The following RNF145 variants were observed in gnomAD, a reference collection of about 807,000 sequenced individuals.
RNF145 encodes ring finger protein 145.
A neutral mutation model predicts 57.3 loss-of-function variants in RNF145; 12 were observed. The observed-to-expected ratio is 0.21, with a 90% CI of 0.13 to 0.34. The LOEUF is 0.34. RNF145 is among the 10% of genes least tolerant of loss of function. RNF145 has a pLI of 1.00. For synonymous variants in RNF145, 262 were observed against 288.3 expected (o/e 0.91, Z 0.92); for missense variants, 429 against 799.0 (o/e 0.54, Z 5.58).
intron 2 of RNF145, among the ~76,000 whole-genome samples, chr5:159,196,879 A>G (rs1428865698): frequency 6.6e-6 from 1 of 152,196 alleles, no homozygotes; most frequent in Non-Finnish European, 1.5e-5. Flanking sequence ...TCCTTTCCAG[A>G]ACGGTCTTGT....
intron 8 of RNF145, among the ~76,000 whole-genome samples, chr5:159,163,338 A>G (rs1233966021): frequency 6.6e-6 from 1 of 152,228 alleles, no homozygotes; most frequent in African/African-American, 2.4e-5. Context: ...TGCTACTCCT[A>G]GCAATTTCAA....
At chr5:159,208,236 G>C in intron 1 of RNF145, 2 of 1,067,178 alleles carry the variant, frequency 1.9e-6, no homozygotes, top group Non-Finnish European at 2.5e-6. Context: ...GGCCGCCGCC[G>C]CCGCGGGGCT....
intron 3 of RNF145, among the ~76,000 whole-genome samples, chr5:159,193,392 G>T (rs1785352185): frequency 6.6e-6 from 1 of 152,120 alleles, no homozygotes; most frequent in Non-Finnish European, 1.5e-5. Context: ...AACCAGGAAG[G>T]AATAAAGGAG....
intron 8 of RNF145, among the ~76,000 whole-genome samples, chr5:159,167,493 A>G (rs1317440218): frequency 2.0e-5 from 3 of 152,220 alleles, no homozygotes; most frequent in Admixed American, 1.3e-4. Flanking sequence ...GTGGAACAAC[A>G]TATTTTTTCT....
Position 159,187,131 on chromosome 5 carries a change from A to G in RNF145, c.294-5080T>C, listed in dbSNP as rs549820577. Among the ~76,000 whole-genome samples, 12 of 144,758 alleles carry G rather than the reference A, an allele frequency of 8.3e-5. No individual in the cohort carries two copies. The South Asian group carries it at 2.2e-3, about 26-fold the overall frequency. The allele number at this position is 144,758 out of a possible 152,430, so 95.0% of individuals were successfully genotyped here. A position where few individuals can be genotyped will look rare whatever the true frequency, so the allele number is the denominator to read the frequency against. On this transcript the variant is annotated intron_variant, in intron 3 of 10. Coordinates refer to ENST00000424310, the MANE Select transcript of RNF145 (RefSeq NM_001199383.2). ...GCCTGTCTATACTAAAAATACAAAA[A>G]ATTAGCCAGGCGTGGTGGTGGGCAC...
intron 8 of RNF145, among the ~76,000 whole-genome samples, chr5:159,166,034 C>T (rs1397474804): frequency 6.6e-6 from 1 of 152,230 alleles, no homozygotes; most frequent in African/African-American, 2.4e-5. Flanking sequence ...ACTTTACACT[C>T]TCATCAGTAC....
In RNF145 at chr5:159,209,444, C is replaced by A; in HGVS notation, c.-253G>T. Reference sequence around the variant, plus strand: ...GCGGCAGCGGCCCGGCCCGTACGGTCACCATCGTCCGCGGCAGCAGGCGCT... The same window carrying A: ...GCGGCAGCGGCCCGGCCCGTACGGTAACCATCGTCCGCGGCAGCAGGCGCT... On this transcript the variant is annotated 5_prime_UTR_variant, in exon 1 of 11. Coordinates refer to ENST00000424310, the MANE Select transcript of RNF145 (RefSeq NM_001199383.2). 2 of 983,070 alleles carry A rather than the reference C, an allele frequency of 2.0e-6. No individual in the cohort carries two copies. Among genetic ancestry groups the A allele is most frequent in the South Asian group, 9.1e-5 (2 of 21,986 alleles). The allele number at this position is 983,070 out of a possible 1,614,324, so 60.9% of individuals were successfully genotyped here.
upstream of RNF145, chr5:159,209,563 G>C (rs1412154040): frequency 9.0e-6 from 9 of 996,932 alleles, no homozygotes; most frequent in African/African-American, 1.8e-5. Context: ...CGGCGGCCGC[G>C]GCCCGACTTC....
At chr5:159,192,697 C>T (rs1785328057) in intron 3 of RNF145, among the ~76,000 whole-genome samples, 1 of 152,064 alleles carries the variant, frequency 6.6e-6, no homozygotes, top group Non-Finnish European at 1.5e-5. Context: ...TACAACAGCC[C>T]CTTAAGATAT....
intron 4 of RNF145, among the ~76,000 whole-genome samples, chr5:159,179,059 T>C (rs1358487399): frequency 1.3e-5 from 2 of 152,122 alleles, no homozygotes; most frequent in African/African-American, 2.4e-5. Context: ...ACTGTGTTTA[T>C]AGCTATGAAA....
intron 6 of RNF145, among the ~76,000 whole-genome samples, chr5:159,172,117 C>T (rs893472406): frequency 1.3e-5 from 2 of 152,188 alleles, no homozygotes; most frequent in African/African-American, 4.8e-5. Flanking sequence ...ACCACCAATT[C>T]AGTCTCACGC....
intron 3 of RNF145, among the ~76,000 whole-genome samples, chr5:159,183,920 AAC>A (rs1156236229): frequency 6.6e-6 from 1 of 152,208 alleles, no homozygotes; most frequent in Non-Finnish European, 1.5e-5. Flanking sequence ...ACAGCTGCAC[AAC>A]ATTATGAATG....
chr5:159,209,976 T>C (rs1396125598), upstream of RNF145: 8 of 1,419,678 alleles, frequency 5.6e-6, no homozygotes, highest in Non-Finnish European at 6.7e-6. Flanking sequence ...CTCCTTGGCG[T>C]CTGGGATGGC....
At position 159,168,913 on chromosome 5, in the gene RNF145, C is replaced by T; in HGVS notation, c.1081G>A (p.Ala361Thr). 5 of 1,584,100 alleles carry T rather than the reference C, an allele frequency of 3.2e-6. No homozygotes were observed. The highest frequency in any genetic ancestry group is 4.3e-6 in the Non-Finnish European group (5 of 1,169,416). ...ASILQSMLEI[A>T]DPIVLALGAS... Reference sequence around the variant, plus strand: ...CCCAGTGCCAAAACAATAGGATCTGCAATTTCTAACATAGACTGTAGGATA... The same window carrying T: ...CCCAGTGCCAAAACAATAGGATCTGTAATTTCTAACATAGACTGTAGGATA... The change falls in exon 8 of 11, where the codon GCA becomes ACA. Residue 361 changes from alanine (A) to threonine (T), a missense_variant. Coordinates refer to ENST00000424310, the MANE Select transcript of RNF145 (RefSeq NM_001199383.2).
chr5:159,202,636 T>C (rs1169149192), intron 2 of RNF145, among the ~76,000 whole-genome samples: 2 of 152,202 alleles, frequency 1.3e-5, no homozygotes, highest in African/African-American at 2.4e-5. Flanking sequence ...ATATATTTTG[T>C]GACAGGCAAC....
chr5:159,207,917 C>T, intron 1 of RNF145: 1 of 1,611,350 alleles, frequency 6.2e-7, no homozygotes, highest in Non-Finnish European at 8.5e-7. Context: ...GCCTGGGTCA[C>T]GACTGCAGCA....
rs1331235578 is a variant in RNF145, at chr5:159,209,545, G to A, written c.-354C>T. ...CCTGCGTTTGCTCCTCCCGCCCCCG[G>A]CGCTCTGCGGCGGCCGCGGCCCGAC... On this transcript the variant is annotated 5_prime_UTR_variant, in exon 1 of 11. Transcript: ENST00000424310. 3.1e-6 allele frequency: 3 copies of A among 980,558 alleles called. No individual in the cohort carries two copies. The highest frequency in any genetic ancestry group is 3.6e-6 in the Non-Finnish European group (3 of 826,916). 60.7% of individuals were successfully genotyped at this position (980,558 alleles called of 1,614,324 possible).
At chr5:159,166,189 T>C (rs1455656187) in intron 8 of RNF145, among the ~76,000 whole-genome samples, 7 of 152,232 alleles carry the variant, frequency 4.6e-5, no homozygotes, top group Admixed American at 4.6e-4. Context: ...TGAATGATGC[T>C]GAACTTCTCT....
At chr5:159,161,965 A>C (rs1784232077) in intron 9 of RNF145, among the ~76,000 whole-genome samples, 1 of 152,186 alleles carries the variant, frequency 6.6e-6, no homozygotes, top group East Asian at 1.9e-4. Flanking sequence ...ACTCCATCTT[A>C]ATTTTCCTCA....
Sources: gnomAD v4.1 joint callset for allele counts (sites outside exome capture counted in the v4.1 genomes callset) on GRCh38, gnomAD v4.1.1 for gene constraint, MANE v1.5 for transcripts, NCBI Gene and HGNC (gene_info 2026-07-23, HGNC 2026-07-21) for gene names.